POLQ: variants seen among roughly 807,000 people sequenced by gnomAD.
POLQ encodes the protein epididymis secretory sperm binding protein.
A neutral mutation model predicts 259.2 loss-of-function variants in POLQ; 233 were observed. The ratio of observed to expected loss-of-function variants is 0.90; its 90% confidence interval spans 0.81 to 1.00. The LOEUF (loss-of-function observed/expected upper bound fraction) is 1.00, where lower values mean the gene tolerates loss of function less well. Among genes scored for constraint, POLQ ranks in the 50% least tolerant of loss-of-function variants. POLQ has a pLI of 0.00. For missense variants in POLQ, 2,871 were observed against 3,051.6 expected, an observed-to-expected ratio of 0.94 and a Z score of 1.39; for synonymous variants, 1,025 against 1,048.8, an observed-to-expected ratio of 0.98 and a Z score of 0.44.
rs532586971 is a variant in POLQ, at chr3:121,468,426, T to C, written c.6724A>G (p.Ile2242Val). ...VSQSHTATGR[I>V]TFTEPNIQNV... ...TGAATATTTGGTTCTGTAAAGGTTA[T>C]TCGTCCTAAAATCAAGCAGAATAAA... Residue 2242 changes from isoleucine to valine, a missense_variant, in exon 23 of 30, where the codon ATA (isoleucine) becomes GTA (valine). Coordinates refer to ENST00000264233, the MANE Select transcript of POLQ (RefSeq NM_199420.4). 3 of 1,608,106 alleles carry C rather than the reference T, an allele frequency of 1.9e-6. No individual in the cohort carries two copies. In the African/African-American group the frequency reaches 4.0e-5, roughly 21 times the overall value.
intron 25 of POLQ, among the ~76,000 whole-genome samples, chr3:121,459,269 T>G (rs1234932079): frequency 1.3e-5 from 2 of 152,032 alleles, no homozygotes; most frequent in Admixed American, 6.5e-5. Context: ...AACAAACATT[T>G]AGAGACCACC....
Position 121,488,048 on chromosome 3 carries a change from G to A in POLQ, c.4883C>T (p.Ser1628Leu), listed in dbSNP as rs1174712299. ...SKLTGTRQNH[S>L]FIWSGASFDL... ...AAATGATGCCCCTGACCATATGAAT[G>A]AATGATTTTGCCTGGTCCCAGTTAA... The change falls in exon 16 of 30, where the codon TCA (serine) becomes TTA (leucine). Residue 1628 changes from serine (S) to leucine (L), a missense_variant. Transcript: ENST00000264233. 1 of 1,613,978 alleles carries A rather than the reference G, an allele frequency of 6.2e-7. No individual in the cohort carries two copies. The highest frequency in any genetic ancestry group is 1.3e-5 in the African/African-American group (1 of 75,040).
intron 25 of POLQ, among the ~76,000 whole-genome samples, chr3:121,456,228 T>G (rs1416614916): frequency 6.6e-6 from 1 of 152,146 alleles, no homozygotes; most frequent in Non-Finnish European, 1.5e-5. Context: ...TGATGGGACA[T>G]ATCTCAAAAT....
chr3:121,446,557 C>T (rs906119228), intron 26 of POLQ, among the ~76,000 whole-genome samples: 5 of 150,900 alleles, frequency 3.3e-5, no homozygotes, highest in African/African-American at 1.2e-4. Context: ...TTATTGGGAT[C>T]TCTCTCTCTC....
At chr3:121,503,431 AGGTACAGG>A (rs1471451594) in intron 12 of POLQ, among the ~76,000 whole-genome samples, 1 of 152,234 alleles carries the variant, frequency 6.6e-6, no homozygotes, top group East Asian at 1.9e-4. Context: ...GCAGTAAAAG[AGGTACAGG>A]GGAACAAATT....
intron 19 of POLQ, among the ~76,000 whole-genome samples, chr3:121,477,366 A>C (rs950551457): frequency 2.6e-5 from 4 of 152,190 alleles, no homozygotes; most frequent in Non-Finnish European, 5.9e-5. Flanking sequence ...AATTGTATAA[A>C]ATTATCTTTA....
At position 121,489,242 on chromosome 3, in the gene POLQ, T is replaced by G. The variant is rs2048042090; in HGVS notation, c.3689A>C (p.Asp1230Ala). Reference sequence around the variant, plus strand: ...TTCACAATTGATAGTAACATTTGAGTCTCTATTTATGTAACTACTGACTGC... The same window carrying G: ...TTCACAATTGATAGTAACATTTGAGGCTCTATTTATGTAACTACTGACTGC... ...CEAVSSYINR[D>A]SNVTINCERI... is the part of the protein sequence containing the mutation. The change falls in exon 16 of 30, where the codon GAC (aspartate) becomes GCC (alanine). Residue 1230 changes from aspartate to alanine, a missense_variant. Transcript: ENST00000264233. 1.2e-6 allele frequency: 2 copies of G among 1,612,064 alleles called. No homozygotes were observed. Among genetic ancestry groups the G allele is most frequent in the Non-Finnish European group, 1.7e-6 (2 of 1,178,950 alleles).
In POLQ at chr3:121,470,334, G is replaced by A. The variant is rs115450127; in HGVS notation, c.6718+1656C>T. 6.0e-3 allele frequency among the ~76,000 whole-genome samples: 906 copies of A among 152,192 alleles called. 8 individuals are homozygous for A. Among genetic ancestry groups the A allele is most frequent in the African/African-American group, 0.021 (875 of 41,526 alleles). On this transcript the variant is annotated intron_variant, in intron 22 of 29. Transcript: ENST00000264233. ...TTCATCACGGAGGATTTTATTTTAC[G>A]TAAGTTTATATCATTAGCATATGTT...
At chr3:121,479,738 C>T (rs981042737) in intron 19 of POLQ, among the ~76,000 whole-genome samples, 4 of 152,070 alleles carry the variant, frequency 2.6e-5, no homozygotes, top group Admixed American at 6.6e-5. Context: ...CAGGCATGAG[C>T]CACTGCACCC....
chr3:121,513,032 T>C (rs1440449223), intron 9 of POLQ, among the ~76,000 whole-genome samples: 3 of 152,176 alleles, frequency 2.0e-5, no homozygotes, highest in Non-Finnish European at 4.4e-5. Flanking sequence ...GCAACAATTA[T>C]GACTAGAGAG....
Position 121,496,899 on chromosome 3 carries a change from G to A in POLQ, c.2187C>T (p.Ile729=), listed in dbSNP as rs538953220. The change falls in exon 14 of 30, where the codon ATC becomes ATT. Residue 729 remains isoleucine (I), a synonymous_variant. Coordinates refer to ENST00000264233, the MANE Select transcript of POLQ (RefSeq NM_199420.4). ...TTATTTCCCTTAAGGGAACTTCACT[G>A]ATTAAATCTAATAGCACAAGACTGG... The part of the protein sequence containing the change: ...FFTSLVLLDL[I]SEVPLREINQ... The A allele has an allele frequency of 6.9e-4, 1,117 of 1,612,722 alleles. 17 individuals are homozygous for A. In the South Asian group the frequency reaches 0.012, roughly 17 times the overall value.
intron 25 of POLQ, among the ~76,000 whole-genome samples, chr3:121,454,696 A>G (rs1009740016): frequency 6.6e-6 from 1 of 152,220 alleles, no homozygotes; most frequent in African/African-American, 2.4e-5. Flanking sequence ...TCCTAAACAT[A>G]TATGTACCCA....
chr3:121,484,973 A>G (rs2047999991), intron 17 of POLQ, 68 bp downstream of exon 17: 2 of 1,166,874 alleles, frequency 1.7e-6, no homozygotes, highest in Admixed American at 2.6e-5. Context: ...TTCTCAAAAT[A>G]TAAGATCACT....
At chr3:121,455,840 T>A (rs2047731352) in intron 25 of POLQ, among the ~76,000 whole-genome samples, 1 of 152,170 alleles carries the variant, frequency 6.6e-6, no homozygotes, top group Non-Finnish European at 1.5e-5. Context: ...TCTGAAGCTA[T>A]TCCAATCAAT....
chr3:121,509,819 G>A (rs920868317), intron 11 of POLQ, 116 bp from the exon 12 acceptor site: 1 of 1,045,054 alleles, frequency 9.6e-7, no homozygotes, highest in Non-Finnish European at 1.4e-6. Flanking sequence ...TTTACAAATA[G>A]TACCTTATCC....
At chr3:121,534,065 A>T (rs2048431604) in intron 5 of POLQ, among the ~76,000 whole-genome samples, 1 of 151,142 alleles carries the variant, frequency 6.6e-6, no homozygotes, top group South Asian at 2.1e-4. Flanking sequence ...TTTAGTAGAG[A>T]CGGGTTTTCA....
intron 12 of POLQ, among the ~76,000 whole-genome samples, chr3:121,503,533 T>C (rs929182767): frequency 6.6e-6 from 1 of 152,088 alleles, no homozygotes; most frequent in Admixed American, 6.5e-5. Flanking sequence ...CAAAAGGAAA[T>C]AGAAGACTAA....
chr3:121,510,238 T>C lies in POLQ; in HGVS notation c.1617A>G (p.Ile539Met). 2.5e-6 allele frequency: 4 copies of C among 1,607,488 alleles called. No individual in the cohort carries two copies. The highest frequency in any genetic ancestry group is 3.4e-6 in the Non-Finnish European group (4 of 1,174,518). Residue 539 changes from isoleucine to methionine, a missense_variant, in exon 11 of 30, where the codon ATA (isoleucine) becomes ATG (methionine). Around this residue, in one of 3 missense-constraint regions of POLQ, gnomAD observed 783 missense variants for 906.2 expected, o/e 0.86. Transcript: ENST00000264233. ...GSMIRAILEI[I>M]VGGVASTSQD... is the part of the protein sequence containing the mutation. ...GTGATGTACTTGCCACTCCACCAAC[T>C]ATTATCTGAAAGAAGATATTTGGAA...
intron 18 of POLQ, among the ~76,000 whole-genome samples, chr3:121,483,076 T>C (rs1193076426): frequency 6.6e-6 from 1 of 152,180 alleles, no homozygotes; most frequent in African/African-American, 2.4e-5. Flanking sequence ...AAATCTGTTC[T>C]CATTTCACTT....
Sources: gnomAD v4.1 joint callset for allele counts (sites outside exome capture counted in the v4.1 genomes callset) on GRCh38, gnomAD v4.1.1 for gene constraint, gnomAD v4.1.1 regional missense constraint, MANE v1.5 for transcripts, NCBI Gene and HGNC (gene_info 2026-07-23, HGNC 2026-07-21) for gene names.